The following MYO9B variants were observed in gnomAD, a reference collection of about 807,000 sequenced individuals.
MYO9B encodes unconventional myosin-IXb.
Under a neutral mutation model 229.5 loss-of-function variants are expected in MYO9B, and 71 were observed. The observed-to-expected ratio is 0.31, with a 90% CI of 0.26 to 0.38. MYO9B has a LOEUF of 0.38. MYO9B is among the 10% of genes least tolerant of loss of function. The pLI, the probability that MYO9B is intolerant of heterozygous loss-of-function variation, is 1.00. For synonymous variants in MYO9B, 1,185 were observed against 1,235.8 expected (o/e 0.96, Z 0.86); for missense variants, 2,255 against 2,920.5 (o/e 0.77, Z 5.25).
intron 2 of MYO9B, among the ~76,000 whole-genome samples, chr19:17,107,767 A>G (rs2057806219): frequency 6.6e-6 from 1 of 152,140 alleles, no homozygotes. Flanking sequence ...TTCTTATAAC[A>G]AGGACACCAC....
chr19:17,179,384 C>T (rs1024920709), intron 14 of MYO9B, among the ~76,000 whole-genome samples: 1 of 151,608 alleles, frequency 6.6e-6, no homozygotes, highest in South Asian at 2.1e-4. Flanking sequence ...CCACAGAGAC[C>T]CTCCCTAGGG....
Position 17,195,416 on chromosome 19 carries a change from A to T in MYO9B, c.3989A>T (p.Gln1330Leu). Residue 1330 changes from glutamine to leucine, a missense_variant, in exon 22 of 40, where the codon CAG becomes CTG. Physicochemically the swap from Gln to Leu is moderately radical, Grantham distance 113 (BLOSUM62 -2). Coordinates refer to ENST00000682292, the MANE Select transcript of MYO9B (RefSeq NM_004145.4). This position sits in a 1 kb window ranked among gnomAD's most constrained non-coding sequence, Gnocchi z 4.5. ...AAASPSAMLS[Q>L]SLDLSDRHRA... The stretch of plus-strand genomic sequence containing the variant: ...GCCAGCCCTAGTGCCATGCTCAGCC[A>T]GTCCCTGGACCTCAGCGACAGACAC... 1.2e-6 allele frequency: 2 copies of T among 1,608,604 alleles called. No individual in the cohort carries two copies. The highest frequency in any genetic ancestry group is 1.7e-6 in the Non-Finnish European group (2 of 1,179,200).
Position 17,145,286 on chromosome 19 carries a change from T to C in MYO9B, c.841-111T>C, listed in dbSNP as rs2072395107. 3 of 1,034,054 alleles carry C rather than the reference T, an allele frequency of 2.9e-6. No individual in the cohort carries two copies. The South Asian group carries it at 4.7e-5, about 16-fold the overall frequency. 64.1% of individuals were successfully genotyped at this position (1,034,054 alleles called of 1,614,324 possible). A position where few individuals can be genotyped will look rare whatever the true frequency, so the allele number is the denominator to read the frequency against. ...ACAAGACTGTCTCCAAGAGAAAAAA[T>C]AGATAAATTGAACAATACAAAATAT... On this transcript the variant is annotated intron_variant, in intron 2 of 39. Transcript: ENST00000682292.
intron 1 of MYO9B, among the ~76,000 whole-genome samples, chr19:17,076,633 A>G (rs1427925741): frequency 2.0e-5 from 3 of 151,944 alleles, no homozygotes; most frequent in Non-Finnish European, 2.9e-5. Context: ...CACACTTAAC[A>G]GCTGGGTGAC....
At chr19:17,188,286 G>A (rs546067687) in intron 19 of MYO9B, among the ~76,000 whole-genome samples, 46 of 151,970 alleles carry the variant, frequency 3.0e-4, no homozygotes, top group African/African-American at 1.0e-3. Context: ...AAAATTAGCC[G>A]GGTGTGGCAG....
intron 33 of MYO9B, 126 bp from the exon 34 acceptor site, chr19:17,206,553 G>A: frequency 7.7e-7 from 1 of 1,296,478 alleles, no homozygotes; most frequent in Non-Finnish European, 1.1e-6. Flanking sequence ...CACCTCTGTA[G>A]CCATCCATTC....
At chr19:17,150,115 A>C (rs765326442) in intron 3 of MYO9B, among the ~76,000 whole-genome samples, 2 of 152,250 alleles carry the variant, frequency 1.3e-5, no homozygotes. Flanking sequence ...TGCAGACAAA[A>C]GACTGCTGTC....
At chr19:17,181,958 G>A (rs972690932) in intron 15 of MYO9B, among the ~76,000 whole-genome samples, 1 of 151,958 alleles carries the variant, frequency 6.6e-6, no homozygotes, top group Non-Finnish European at 1.5e-5. Flanking sequence ...TGTATTTTTA[G>A]TAGAGATGGG....
At chr19:17,093,697 G>T (rs201335469) in intron 1 of MYO9B, among the ~76,000 whole-genome samples, 8 of 53,310 alleles carry the variant, frequency 1.5e-4, no homozygotes, top group African/African-American at 2.1e-4. Context: ...GGGGGGTGGG[G>T]GGGGGGGTGG....
At chr19:17,152,769 A>G (rs1277096048) in intron 4 of MYO9B, 63 bp downstream of exon 4, 1 of 1,454,978 alleles carries the variant, frequency 6.9e-7, no homozygotes, top group Admixed American at 1.8e-5. Flanking sequence ...CCTCCTACAG[A>G]GGAGAGAAGC....
chr19:17,128,359 C>G (rs1408671192), intron 2 of MYO9B, among the ~76,000 whole-genome samples: 5 of 152,290 alleles, frequency 3.3e-5, no homozygotes, highest in Admixed American at 6.5e-5. Flanking sequence ...CCACTGTACT[C>G]TAGCCTGGGT....
chr19:17,141,767 G>C (rs1008875905), intron 2 of MYO9B, among the ~76,000 whole-genome samples: 2 of 152,194 alleles, frequency 1.3e-5, no homozygotes, highest in African/African-American at 2.4e-5. Flanking sequence ...CTTCATCCAG[G>C]TGATGGTTAC....
chr19:17,169,802 C>T (rs1162910201), intron 11 of MYO9B, among the ~76,000 whole-genome samples: 12 of 106,578 alleles, frequency 1.1e-4, no homozygotes, highest in African/African-American at 4.5e-4. Context: ...CTGTCTCCTC[C>T]TTTTTTTTTT....
chr19:17,202,321 C>A lies in MYO9B; in HGVS notation c.4836+18C>A, dbSNP rs375596552. 4 of 1,547,934 alleles carry A rather than the reference C, an allele frequency of 2.6e-6. No homozygotes were observed. Among genetic ancestry groups the A allele is most frequent in the Admixed American group, 3.9e-5 (2 of 50,678 alleles). On this transcript the variant is annotated intron_variant, in intron 28 of 39. Coordinates refer to ENST00000682292, the MANE Select transcript of MYO9B (RefSeq NM_004145.4). Reference sequence around the variant, plus strand: ...CAGTGAAGGTGGGCAGCCCAGCATGCCACGCCCACCTGTGACATGCCACGC... The same window carrying A: ...CAGTGAAGGTGGGCAGCCCAGCATGACACGCCCACCTGTGACATGCCACGC...
chr19:17,175,948 T>A (rs779928255), intron 14 of MYO9B, among the ~76,000 whole-genome samples: 4 of 151,164 alleles, frequency 2.6e-5, no homozygotes, highest in Non-Finnish European at 5.9e-5. Flanking sequence ...TTCTCCTGCC[T>A]CAGCCTCCCG....
In MYO9B at chr19:17,211,741, C is replaced by T. The variant is rs1326232596; in HGVS notation, c.6025C>T (p.Leu2009=). ...SETSASTESL[L]EERAGRGASE... ...GACGTCGGCCAGCACCGAGAGCCTG[C>T]TGGAGGAGCGGGCCGGGCGGGGGGC... Residue 2009 remains leucine, a synonymous_variant, in exon 39 of 40, where the codon CTG becomes TTG. Coordinates refer to ENST00000682292, the MANE Select transcript of MYO9B (RefSeq NM_004145.4). The T allele has an allele frequency of 3.2e-5, 52 of 1,613,060 alleles. No individual in the cohort carries two copies. The highest frequency in any genetic ancestry group is 4.2e-5 in the Non-Finnish European group (49 of 1,179,766).
At position 17,153,156 on chromosome 19, in the gene MYO9B, G is replaced by A. The variant is rs371621287; in HGVS notation, c.998+450G>A. Among the ~76,000 whole-genome samples, 96 of 124,576 alleles carry A rather than the reference G, an allele frequency of 7.7e-4. 1 individual carries two copies. Among genetic ancestry groups the A allele is most frequent in the Middle Eastern group, 3.8e-3 (1 of 266 alleles). 81.7% of individuals were successfully genotyped at this position (124,576 alleles called of 152,430 possible). Reference sequence around the variant, plus strand: ...TCTCTGTTTTTGGTTGGTTGGTTGGGGTTTTTTTGGTTTGTTTGTTTGTTT... The same window carrying A: ...TCTCTGTTTTTGGTTGGTTGGTTGGAGTTTTTTTGGTTTGTTTGTTTGTTT... On this transcript the variant is annotated intron_variant, in intron 4 of 39. Coordinates refer to ENST00000682292, the MANE Select transcript of MYO9B (RefSeq NM_004145.4).
At chr19:17,107,992 C>G (rs2057808707) in intron 2 of MYO9B, among the ~76,000 whole-genome samples, 2 of 152,354 alleles carry the variant, frequency 1.3e-5, no homozygotes, top group South Asian at 2.1e-4. Context: ...TGGCAAGTCC[C>G]ACTTGGTGAC....
chr19:17,158,662 G>A (rs1301490486), intron 7 of MYO9B, among the ~76,000 whole-genome samples: 1 of 152,104 alleles, frequency 6.6e-6, no homozygotes, highest in Non-Finnish European at 1.5e-5. Flanking sequence ...GAGACCACCA[G>A]CTCTGAAAGG....
Sources: allele counts gnomAD v4.1 joint callset (sites outside exome capture counted in the v4.1 genomes callset), GRCh38; gene constraint gnomAD v4.1.1; non-coding constraint Gnocchi (gnomAD v3.1); transcripts MANE v1.5; gene names NCBI Gene and HGNC (gene_info 2026-07-23, HGNC 2026-07-21).